FZD1: variants seen among roughly 807,000 people sequenced by gnomAD.
FZD1 encodes frizzled class receptor 1.
In FZD1, 22 loss-of-function variants were observed where a neutral mutation model predicts 48.0. The observed-to-expected ratio is 0.46, with a 90% CI of 0.33 to 0.65. The LOEUF is 0.65. Ranked by LOEUF, FZD1 falls within the 30% of genes least tolerant of loss-of-function variation. The pLI is 0.02. For missense variants in FZD1, 843 were observed against 898.1 expected, an observed-to-expected ratio of 0.94 and a Z score of 0.78; for synonymous variants, 486 against 409.6, an observed-to-expected ratio of 1.19 and a Z score of -2.25.
Position 91,266,404 on chromosome 7 carries a change from C to G in FZD1, c.1524C>G (p.Ala508=). The G allele has an allele frequency of 6.2e-7, 1 of 1,614,164 alleles. No individual in the cohort carries two copies. Among genetic ancestry groups the G allele is most frequent in the Middle Eastern group, 1.6e-4 (1 of 6,062 alleles). ...TTATCGGCACGTCCTTTCTGCTGGCCGGCTTTGTGTCGCTCTTCCGCATCC... is the reference window on the plus strand; with the variant it reads ...TTATCGGCACGTCCTTTCTGCTGGCGGGCTTTGTGTCGCTCTTCCGCATCC... ...YLFIGTSFLL[A]GFVSLFRIRT... Residue 508 remains alanine (A), a synonymous_variant, in exon 1 of 1, where the codon GCC becomes GCG. Coordinates refer to ENST00000287934, the MANE Select transcript of FZD1 (RefSeq NM_003505.2). The surrounding 1 kb of genome is among the most constrained non-coding windows in gnomAD (Gnocchi z 6.8).
Position 91,267,424 on chromosome 7 carries a change from C to T in FZD1, c.*600C>T, listed in dbSNP as rs1210324674. ...TGCCCCCTCCCCCTCCTTCTGTCCC[C>T]TCCCTTTCTTTCCTGGCTTGAGGTA... On this transcript the variant is annotated 3_prime_UTR_variant, in exon 1 of 1. Coordinates refer to ENST00000287934, the MANE Select transcript of FZD1 (RefSeq NM_003505.2). The T allele has an allele frequency of 6.0e-6, 1 of 167,684 alleles. No homozygotes were observed. Among genetic ancestry groups the T allele is most frequent in the Non-Finnish European group, 1.5e-5 (1 of 68,572 alleles). The allele number at this position is 167,684 out of a possible 1,614,324, so 10.4% of individuals were successfully genotyped here.
Position 91,265,960 on chromosome 7 carries a change from C to A in FZD1, c.1080C>A (p.Gly360=). Residue 360 remains glycine, a synonymous_variant, in exon 1 of 1, where the codon GGC becomes GGA. Coordinates refer to ENST00000287934, the MANE Select transcript of FZD1 (RefSeq NM_003505.2). The surrounding 1 kb of genome is among the most constrained non-coding windows in gnomAD (Gnocchi z 6.9). ...AGCGGCCCATCATCTTCTTGTCCGG[C>A]TGTTACACGGCCGTGGCCGTGGCCT... ...YPERPIIFLS[G]CYTAVAVAYI... The A allele has an allele frequency of 6.2e-7, 1 of 1,614,168 alleles. No homozygotes were observed. The highest frequency in any genetic ancestry group is 1.1e-5 in the South Asian group (1 of 91,088).
In FZD1 at chr7:91,264,780, G is replaced by A; in HGVS notation, c.-101G>A. 1 of 738,642 alleles carries A rather than the reference G, an allele frequency of 1.4e-6. No individual in the cohort carries two copies. Among genetic ancestry groups the A allele is most frequent in the South Asian group, 6.1e-5 (1 of 16,396 alleles). The allele number at this position is 738,642 out of a possible 1,614,324, so 45.8% of individuals were successfully genotyped here. ...CCGAAAGCGGCTTGGGCTCGACGGAGGGCACCCGCGCAGAGGTCTCCCTGG... is the reference window on the plus strand; with the variant it reads ...CCGAAAGCGGCTTGGGCTCGACGGAAGGCACCCGCGCAGAGGTCTCCCTGG... On this transcript the variant is annotated 5_prime_UTR_variant, in exon 1 of 1. Coordinates refer to ENST00000287934, the MANE Select transcript of FZD1 (RefSeq NM_003505.2).
In FZD1 at chr7:91,265,104, C is replaced by A; in HGVS notation, c.224C>A (p.Ala75Glu). The change falls in exon 1 of 1, where the codon GCG becomes GAG. Residue 75 changes from alanine (A) to glutamate (E), a missense_variant. Coordinates refer to ENST00000287934, the MANE Select transcript of FZD1 (RefSeq NM_003505.2). The surrounding 1 kb of genome is among the most constrained non-coding windows in gnomAD (Gnocchi z 6.9). Reference protein sequence around the residue: ...PLLLGVRAQAAGQGPGQGPGP... With the variant: ...PLLLGVRAQAEGQGPGQGPGP... The stretch of plus-strand genomic sequence containing the variant: ...CTGCTGGGGGTCCGGGCCCAGGCGG[C>A]GGGCCAGGGGCCAGGCCAGGGGCCC... 7.2e-7 allele frequency: 1 copy of A among 1,393,942 alleles called. No homozygotes were observed. Among genetic ancestry groups the A allele is most frequent in the Non-Finnish European group, 9.3e-7 (1 of 1,075,568 alleles). The allele number at this position is 1,393,942 out of a possible 1,614,324, so 86.3% of individuals were successfully genotyped here. A position where few individuals can be genotyped will look rare whatever the true frequency, so the allele number is the denominator to read the frequency against.
rs751285089 is a variant in FZD1, at chr7:91,266,638, G to C, written c.1758G>C (p.Ala586=). 1.2e-6 allele frequency: 2 copies of C among 1,612,538 alleles called. No homozygotes were observed. Among genetic ancestry groups the C allele is most frequent in the East Asian group, 4.5e-5 (2 of 44,866 alleles). Residue 586 remains alanine, a synonymous_variant, in exon 1 of 1, where the codon GCG becomes GCC. Transcript: ENST00000287934. The surrounding 1 kb of genome is among the most constrained non-coding windows in gnomAD (Gnocchi z 6.8). ...SYAIPCPHLQ[A]GGGAPPHPPM... is the part of the protein sequence containing the mutation. ...CTATCCCCTGCCCTCACCTCCAGGC[G>C]GGCGGAGGCGCCCCGCCGCACCCGC...
chr7:91,264,440 G>T lies in FZD1; in HGVS notation c.-441G>T. On this transcript the variant is annotated 5_prime_UTR_variant, in exon 1 of 1. The change creates a new upstream start codon in the 5' untranslated region. Transcript: ENST00000287934. Reference sequence around the variant, plus strand: ...ACGGGGCGCCTGGAAACCGGTCCGAGGGCGCGCGAGGCAGAGGAGAGGGAG... The same window carrying T: ...ACGGGGCGCCTGGAAACCGGTCCGATGGCGCGCGAGGCAGAGGAGAGGGAG... 1 of 216,256 alleles carries T rather than the reference G, an allele frequency of 4.6e-6. No homozygotes were observed. The highest frequency in any genetic ancestry group is 9.8e-5 in the East Asian group (1 of 10,230). 13.4% of individuals were successfully genotyped at this position (216,256 alleles called of 1,614,324 possible).
At position 91,266,126 on chromosome 7, in the gene FZD1, A is replaced by T; in HGVS notation, c.1246A>T (p.Ser416Cys). 1 of 1,614,202 alleles carries T rather than the reference A, an allele frequency of 6.2e-7. No individual in the cohort carries two copies. Among genetic ancestry groups the T allele is most frequent in the Non-Finnish European group, 8.5e-7 (1 of 1,180,040 alleles). Residue 416 changes from serine to cysteine, a missense_variant, in exon 1 of 1, where the codon AGC (serine) becomes TGC (cysteine). Ser to Cys is a moderately radical substitution (Grantham distance 112). Coordinates refer to ENST00000287934, the MANE Select transcript of FZD1 (RefSeq NM_003505.2). The surrounding 1 kb of genome is among the most constrained non-coding windows in gnomAD (Gnocchi z 6.8). Reference protein sequence around the residue: ...FMMLYFFSMASSIWWVILSLT... With the variant: ...FMMLYFFSMACSIWWVILSLT... ...GATGCTCTACTTCTTCAGCATGGCC[A>T]GCTCCATCTGGTGGGTGATCCTGTC...
Position 91,265,508 on chromosome 7 carries a change from C to A in FZD1, c.628C>A (p.Pro210Thr). Residue 210 changes from proline to threonine, a missense_variant, in exon 1 of 1, where the codon CCA becomes ACA. Pro to Thr is a conservative substitution (Grantham distance 38). This residue lies in a region of FZD1 where 490 missense variants were observed against 466.5 expected (regional missense o/e 1.05). Coordinates refer to ENST00000287934, the MANE Select transcript of FZD1 (RefSeq NM_003505.2). This position sits in a 1 kb window ranked among gnomAD's most constrained non-coding sequence, Gnocchi z 6.9. The part of the protein sequence containing the change: ...ALMNKFGFQW[P>T]DTLKCEKFPV... ...CATGAACAAGTTCGGCTTCCAGTGG[C>A]CAGACACGCTCAAGTGTGAGAAGTT... is the stretch of plus-strand genomic sequence containing the variant. The A allele has an allele frequency of 2.5e-6, 4 of 1,612,662 alleles. No homozygotes were observed. Among genetic ancestry groups the A allele is most frequent in the Non-Finnish European group, 3.4e-6 (4 of 1,179,842 alleles).
Position 91,269,914 on chromosome 7 carries a change from A to T in FZD1, c.*3090A>T, listed in dbSNP as rs1483159181. The T allele has an allele frequency of 6.0e-6, 1 of 167,092 alleles. No homozygotes were observed. Among genetic ancestry groups the T allele is most frequent in the Non-Finnish European group, 1.5e-5 (1 of 68,104 alleles). The allele number at this position is 167,092 out of a possible 1,614,324, so 10.4% of individuals were successfully genotyped here. On this transcript the variant is annotated 3_prime_UTR_variant, in exon 1 of 1. Transcript: ENST00000287934. ...GAGGTGTCCTTAACATGATGTAACT[A>T]TAAATTTGATGCAGAAAGGTTTTAC...
In FZD1 at chr7:91,268,700, T is replaced by C. The variant is rs913553975; in HGVS notation, c.*1876T>C. On this transcript the variant is annotated 3_prime_UTR_variant, in exon 1 of 1. Coordinates refer to ENST00000287934, the MANE Select transcript of FZD1 (RefSeq NM_003505.2). ...TATTTTTAATTTCACAAATAAAAAA[T>C]TCAAAGTTTTGTACAAAATTATATG... 3.6e-5 allele frequency: 6 copies of C among 166,158 alleles called. No homozygotes were observed. The highest frequency in any genetic ancestry group is 1.4e-4 in the African/African-American group (6 of 41,440). The allele number at this position is 166,158 out of a possible 1,614,324, so 10.3% of individuals were successfully genotyped here.
In FZD1 at chr7:91,264,967, G is replaced by A. The variant is rs1015610584; in HGVS notation, c.87G>A (p.Arg29=). Residue 29 remains arginine, a synonymous_variant, in exon 1 of 1, where the codon CGG becomes CGA. Transcript: ENST00000287934. The part of the protein sequence containing the change: ...WELCAGALSA[R]LAEEGSGDAG... ...TTTGTGCCGGGGCGCTCTCGGCCCG[G>A]CTGGCGGAGGAGGGCAGCGGGGACG... is the stretch of plus-strand genomic sequence containing the variant. 7.3e-7 allele frequency: 1 copy of A among 1,368,582 alleles called. No homozygotes were observed. The highest frequency in any genetic ancestry group is 9.4e-7 in the Non-Finnish European group (1 of 1,063,942). 84.8% of individuals were successfully genotyped at this position (1,368,582 alleles called of 1,614,324 possible).
At position 91,264,717 on chromosome 7, in the gene FZD1, G is replaced by A. The variant is rs1415145844; in HGVS notation, c.-164G>A. Reference sequence around the variant, plus strand: ...TGAATCGCAAGTTTCCGCGGCGGCGGCGGCTGCGGTACGCAGAACAGGAGC... The same window carrying A: ...TGAATCGCAAGTTTCCGCGGCGGCGACGGCTGCGGTACGCAGAACAGGAGC... On this transcript the variant is annotated 5_prime_UTR_variant, in exon 1 of 1. Transcript: ENST00000287934. 9.3e-6 allele frequency: 4 copies of A among 431,266 alleles called. No homozygotes were observed. Among genetic ancestry groups the A allele is most frequent in the Non-Finnish European group, 1.5e-5 (4 of 258,190 alleles). 26.7% of individuals were successfully genotyped at this position (431,266 alleles called of 1,614,324 possible). A position where few individuals can be genotyped will look rare whatever the true frequency, so the allele number is the denominator to read the frequency against.
Position 91,268,360 on chromosome 7 carries a change from A to C in FZD1, c.*1536A>C, listed in dbSNP as rs1057038389. ...TGCATGCTAAAGGGAAAATGTGTGC[A>C]GGTCTACTGCATTAAATCCTGTGTG... On this transcript the variant is annotated 3_prime_UTR_variant, in exon 1 of 1. Coordinates refer to ENST00000287934, the MANE Select transcript of FZD1 (RefSeq NM_003505.2). 6.0e-5 allele frequency: 10 copies of C among 167,230 alleles called. No homozygotes were observed. The highest frequency in any genetic ancestry group is 2.4e-4 in the African/African-American group (10 of 41,594). The allele number at this position is 167,230 out of a possible 1,614,324, so 10.4% of individuals were successfully genotyped here.
rs1803892887 is a variant in FZD1, at chr7:91,266,886, G to A, written c.*62G>A. 8.9e-7 allele frequency: 1 copy of A among 1,117,764 alleles called. No homozygotes were observed. The highest frequency in any genetic ancestry group is 2.4e-5 in the East Asian group (1 of 42,192). 69.2% of individuals were successfully genotyped at this position (1,117,764 alleles called of 1,614,324 possible). A position where few individuals can be genotyped will look rare whatever the true frequency, so the allele number is the denominator to read the frequency against. On this transcript the variant is annotated 3_prime_UTR_variant, in exon 1 of 1. Coordinates refer to ENST00000287934, the MANE Select transcript of FZD1 (RefSeq NM_003505.2). The surrounding 1 kb of genome is among the most constrained non-coding windows in gnomAD (Gnocchi z 6.8). The stretch of plus-strand genomic sequence containing the variant: ...GGCGCAGCGATCCCCCAAAGCCAGC[G>A]CCGTGGAGTTCGTGCCAATCCTGAC...
Position 91,266,783 on chromosome 7 carries a change from A to G in FZD1, c.1903A>G (p.Thr635Ala), listed in dbSNP as rs1803890247. 4 of 1,608,716 alleles carry G rather than the reference A, an allele frequency of 2.5e-6. No homozygotes were observed. Among genetic ancestry groups the G allele is most frequent in the Middle Eastern group, 1.7e-4 (1 of 6,030 alleles). ...CCTCAACTCCTGGAGGAAGTTCTACACGAGGCTCACCAACAGCAAACAAGG... is the reference window on the plus strand; with the variant it reads ...CCTCAACTCCTGGAGGAAGTTCTACGCGAGGCTCACCAACAGCAAACAAGG... ...KTLNSWRKFYTRLTNSKQGET... is the reference protein window; with the variant it reads ...KTLNSWRKFYARLTNSKQGET... The change falls in exon 1 of 1, where the codon ACG becomes GCG. Residue 635 changes from threonine to alanine, a missense_variant. Coordinates refer to ENST00000287934, the MANE Select transcript of FZD1 (RefSeq NM_003505.2). This position sits in a 1 kb window ranked among gnomAD's most constrained non-coding sequence, Gnocchi z 6.8.
chr7:91,266,119 C>G lies in FZD1; in HGVS notation c.1239C>G (p.Ser413Arg), dbSNP rs1338283514. The G allele has an allele frequency of 6.2e-7, 1 of 1,614,230 alleles. No homozygotes were observed. Among genetic ancestry groups the G allele is most frequent in the Non-Finnish European group, 8.5e-7 (1 of 1,180,050 alleles). Residue 413 changes from serine (S) to arginine (R), a missense_variant, in exon 1 of 1, where the codon AGC becomes AGG. Transcript: ENST00000287934. This position sits in a 1 kb window ranked among gnomAD's most constrained non-coding sequence, Gnocchi z 6.8. Reference protein sequence around the residue: ...TILFMMLYFFSMASSIWWVIL... With the variant: ...TILFMMLYFFRMASSIWWVIL... ...TCTTCATGATGCTCTACTTCTTCAG[C>G]ATGGCCAGCTCCATCTGGTGGGTGA...
At position 91,266,001 on chromosome 7, in the gene FZD1, T is replaced by A; in HGVS notation, c.1121T>A (p.Leu374His). ...GCCGTGGCCTACATCGCCGGCTTCC[T>A]CCTGGAAGACCGAGTGGTGTGTAAT... Reference protein sequence around the residue: ...AVAVAYIAGFLLEDRVVCNDK... With the variant: ...AVAVAYIAGFHLEDRVVCNDK... Residue 374 changes from leucine to histidine, a missense_variant, in exon 1 of 1, where the codon CTC (leucine) becomes CAC (histidine). Physicochemically the swap from Leu to His is moderately conservative, Grantham distance 99 (BLOSUM62 -3). Around this residue, in one of 2 missense-constraint regions of FZD1, gnomAD observed 353 missense variants for 431.6 expected, o/e 0.82. Transcript: ENST00000287934. The surrounding 1 kb of genome is among the most constrained non-coding windows in gnomAD (Gnocchi z 6.8). 3.7e-6 allele frequency: 6 copies of A among 1,614,148 alleles called. No individual in the cohort carries two copies. The highest frequency in any genetic ancestry group is 5.1e-6 in the Non-Finnish European group (6 of 1,180,030).
chr7:91,271,247 G>A lies in FZD1; in HGVS notation c.*4423G>A, dbSNP rs1363439925. On this transcript the variant is annotated 3_prime_UTR_variant, in exon 1 of 1. Transcript: ENST00000287934. ...TCATTTTGGTCATACCTTTGACAAT[G>A]GATATGTTAAACTTTAACAATTATA... is the stretch of plus-strand genomic sequence containing the variant. 6.0e-6 allele frequency: 1 copy of A among 166,954 alleles called. No homozygotes were observed. The highest frequency in any genetic ancestry group is 2.4e-5 in the African/African-American group (1 of 41,416). 10.3% of individuals were successfully genotyped at this position (166,954 alleles called of 1,614,324 possible).
At position 91,269,259 on chromosome 7, in the gene FZD1, T is replaced by C. The variant is rs1803933626; in HGVS notation, c.*2435T>C. ...TGCTTCTGAAGACCCCTTTTTTTAA[T>C]CGTTCAAGGAACCTTCTCCAGATAA... On this transcript the variant is annotated 3_prime_UTR_variant, in exon 1 of 1. Transcript: ENST00000287934. 1 of 166,948 alleles carries C rather than the reference T, an allele frequency of 6.0e-6. No homozygotes were observed. The highest frequency in any genetic ancestry group is 1.5e-5 in the Non-Finnish European group (1 of 68,062). The allele number at this position is 166,948 out of a possible 1,614,324, so 10.3% of individuals were successfully genotyped here. A position where few individuals can be genotyped will look rare whatever the true frequency, so the allele number is the denominator to read the frequency against.
Sources: allele counts gnomAD v4.1 joint callset, GRCh38; gene constraint gnomAD v4.1.1; regional missense constraint gnomAD v4.1.1; non-coding constraint Gnocchi (gnomAD v3.1); transcripts MANE v1.5; gene names NCBI Gene and HGNC (gene_info 2026-07-23, HGNC 2026-07-21).